Variants in DHRS7B observed in about 807,000 individuals in gnomAD.
DHRS7B encodes the protein dehydrogenase/reductase 7B.
Under a neutral mutation model 26.4 loss-of-function variants are expected in DHRS7B, and 24 were observed. The observed-to-expected ratio is 0.91, with a 90% CI of 0.66 to 1.28. DHRS7B has a LOEUF of 1.28. DHRS7B is among the 50% of genes most tolerant of loss of function. DHRS7B has a pLI of 0.00. For synonymous variants in DHRS7B, 142 were observed against 166.4 expected (o/e 0.85, Z 1.13); for missense variants, 368 against 419.4 (o/e 0.88, Z 1.07).
At chr17:21,134,482 C>A (rs1453897633) in intron 1 of DHRS7B, among the ~76,000 whole-genome samples, 1 of 152,174 alleles carries the variant, frequency 6.6e-6, no homozygotes, top group African/African-American at 2.4e-5. Flanking sequence ...TCTTTACTTA[C>A]CACAGGTCAG....
intron 3 of DHRS7B, among the ~76,000 whole-genome samples, chr17:21,181,473 T>A (rs957205076): frequency 6.6e-6 from 1 of 152,242 alleles, no homozygotes; most frequent in Non-Finnish European, 1.5e-5. Context: ...GGCAAGGGTC[T>A]GGTGTCTGGC....
At chr17:21,185,863 T>C (rs999726487) in intron 5 of DHRS7B, among the ~76,000 whole-genome samples, 6 of 152,158 alleles carry the variant, frequency 3.9e-5, no homozygotes, top group Non-Finnish European at 7.3e-5. Flanking sequence ...AACTTTTGTA[T>C]TTTTAGTAGA....
chr17:21,138,211 CT>C (rs901329961), intron 1 of DHRS7B, among the ~76,000 whole-genome samples: 49 of 78,226 alleles, frequency 6.3e-4, no homozygotes, highest in South Asian at 2.5e-3. Flanking sequence ...ATCCCTCCTT[CT>C]TTTTTTTTTT....
intron 2 of DHRS7B, among the ~76,000 whole-genome samples, chr17:21,174,151 C>T (rs1162289997): frequency 3.3e-5 from 5 of 152,220 alleles, no homozygotes; most frequent in African/African-American, 4.8e-5. Flanking sequence ...CCACCAAGGA[C>T]GTTCTGATGT....
chr17:21,133,119 A>C (rs1973274411), intron 1 of DHRS7B, among the ~76,000 whole-genome samples: 1 of 152,244 alleles, frequency 6.6e-6, no homozygotes, highest in African/African-American at 2.4e-5. Flanking sequence ...AGTGTCTGGC[A>C]CATTGCAAAT....
At chr17:21,180,873 G>A (rs1047098663) in intron 3 of DHRS7B, among the ~76,000 whole-genome samples, 1 of 152,128 alleles carries the variant, frequency 6.6e-6, no homozygotes, top group Admixed American at 6.5e-5. Context: ...GAATAACATC[G>A]AATCTATTGG....
intron 1 of DHRS7B, among the ~76,000 whole-genome samples, chr17:21,159,230 T>C (rs1371242720): frequency 6.7e-6 from 1 of 149,414 alleles, no homozygotes; most frequent in Admixed American, 6.8e-5. Flanking sequence ...TAGTAGAAAA[T>C]ATTTTCTTTT....
At chr17:21,159,041 T>G (rs1973939573) in intron 1 of DHRS7B, among the ~76,000 whole-genome samples, 1 of 151,150 alleles carries the variant, frequency 6.6e-6, no homozygotes, top group South Asian at 2.1e-4. Context: ...AAATGTAAAA[T>G]GCAAAACCAT....
rs1974776502 is a variant in DHRS7B, at chr17:21,191,317, A to C, written c.*164A>C. ...AGATCTGCTGGCAGAGGACAATCAA[A>C]AACGACAACAAGCTTCTTCCCAGGG... On this transcript the variant is annotated 3_prime_UTR_variant, in exon 7 of 7. Transcript: ENST00000395511. The C allele has an allele frequency of 2.9e-6, 2 of 686,246 alleles. No individual in the cohort carries two copies. Among genetic ancestry groups the C allele is most frequent in the Non-Finnish European group, 4.8e-6 (2 of 413,322 alleles). The allele number at this position is 686,246 out of a possible 1,614,324, so 42.5% of individuals were successfully genotyped here.
At chr17:21,172,272 G>A (rs1246991781) in intron 2 of DHRS7B, 76 bp downstream of exon 2, 2 of 1,520,514 alleles carry the variant, frequency 1.3e-6, no homozygotes, top group Non-Finnish European at 1.8e-6. Flanking sequence ...GCTGCACAGG[G>A]ACCACCAGCG....
chr17:21,157,714 T>G (rs1402039487), intron 1 of DHRS7B, among the ~76,000 whole-genome samples: 1 of 151,960 alleles, frequency 6.6e-6, no homozygotes, highest in Non-Finnish European at 1.5e-5. Context: ...AAAACTAATG[T>G]AATCTGGCTG....
Position 21,135,895 on chromosome 17 carries a change from A to G in DHRS7B, c.20+8904A>G, listed in dbSNP as rs1973330170. ...CCACAATAGTCCCTGGGCTTTGAGG[A>G]GTTGAATAGCTTTAACTTTTTGCCT... On this transcript the variant is annotated intron_variant, in intron 1 of 6. Coordinates refer to ENST00000395511, the MANE Select transcript of DHRS7B (RefSeq NM_015510.5). 3.9e-5 allele frequency among the ~76,000 whole-genome samples: 6 copies of G among 152,266 alleles called. No homozygotes were observed. The South Asian group carries it at 1.2e-3, about 32-fold the overall frequency.
chr17:21,161,692 C>T (rs558006627), intron 1 of DHRS7B, among the ~76,000 whole-genome samples: 7 of 152,278 alleles, frequency 4.6e-5, no homozygotes, highest in Non-Finnish European at 7.4e-5. Flanking sequence ...AGATTGATTA[C>T]TTACTGTATG....
chr17:21,172,119 T>C lies in DHRS7B; in HGVS notation c.122T>C (p.Leu41Pro). The C allele has an allele frequency of 6.2e-7, 1 of 1,614,180 alleles. No homozygotes were observed. Among genetic ancestry groups the C allele is most frequent in the Non-Finnish European group, 8.5e-7 (1 of 1,180,016 alleles). The change falls in exon 2 of 7, where the codon CTG becomes CCG. Residue 41 changes from leucine to proline, a missense_variant. Coordinates refer to ENST00000395511, the MANE Select transcript of DHRS7B (RefSeq NM_015510.5). ...GGCGTCTTCGGCCTCTTCCGGCTGC[T>C]GCAGTGGGTGCGCGGGAAGGCCTAC... ...CLGVFGLFRL[L>P]QWVRGKAYLR... is the part of the protein sequence containing the mutation.
At chr17:21,185,980 G>A (rs1325470337) in intron 5 of DHRS7B, among the ~76,000 whole-genome samples, 1 of 152,158 alleles carries the variant, frequency 6.6e-6, no homozygotes, top group African/African-American at 2.4e-5. Flanking sequence ...GAGCCACCGC[G>A]CCCAGCTGGA....
rs747710075 is a variant in DHRS7B, at chr17:21,188,711, A to G, written c.620A>G (p.Tyr207Cys). 6.3e-7 allele frequency: 1 copy of G among 1,590,052 alleles called. No homozygotes were observed. The highest frequency in any genetic ancestry group is 8.6e-7 in the Non-Finnish European group (1 of 1,168,202). The change falls in exon 6 of 7, where the codon TAT (tyrosine) becomes TGT (cysteine). Residue 207 changes from tyrosine to cysteine, a missense_variant and splice_region_variant. By Grantham distance (194) the Tyr-to-Cys change is radical. Transcript: ENST00000395511. The stretch of plus-strand genomic sequence containing the variant: ...CCTGCCTCTCCGTCCACATGTGTAG[A>G]TGCAGCCTCCAAGCACGCAACCCAG... ...GKMSIPFRSA[Y>C]AASKHATQAF...
At chr17:21,153,374 A>C (rs1973813116) in intron 1 of DHRS7B, among the ~76,000 whole-genome samples, 2 of 152,236 alleles carry the variant, frequency 1.3e-5, no homozygotes, top group Admixed American at 1.3e-4. Context: ...ACTGAAAAAA[A>C]CAGGAACAAA....
chr17:21,180,077 T>C (rs1302063322), intron 3 of DHRS7B, among the ~76,000 whole-genome samples: 8 of 148,622 alleles, frequency 5.4e-5, no homozygotes, highest in Non-Finnish European at 6.0e-5. Context: ...CACTTTCTTT[T>C]TTTTTTTTTT....
At chr17:21,155,275 A>G (rs1045924005) in intron 1 of DHRS7B, among the ~76,000 whole-genome samples, 2 of 152,232 alleles carry the variant, frequency 1.3e-5, no homozygotes, top group African/African-American at 4.8e-5. Flanking sequence ...AGACACATAT[A>G]GATTAAACAT....
Sources: allele counts gnomAD v4.1 joint callset (sites outside exome capture counted in the v4.1 genomes callset), GRCh38; gene constraint gnomAD v4.1.1; transcripts MANE v1.5; gene names NCBI Gene and HGNC (gene_info 2026-07-23, HGNC 2026-07-21).